The following FOXP2 variants were observed in gnomAD, a reference collection of about 807,000 sequenced individuals.
The protein encoded by FOXP2 is forkhead box protein P2.
In FOXP2, 12 loss-of-function variants were observed where a neutral mutation model predicts 115.8. That is an observed-to-expected ratio of 0.10 (90% confidence interval 0.07 to 0.17). The LOEUF is 0.17. Ranked by LOEUF, FOXP2 falls within the 10% of genes least tolerant of loss-of-function variation. FOXP2 has a pLI of 1.00. For synonymous variants in FOXP2, 328 were observed against 297.7 expected, an observed-to-expected ratio of 1.10 and a Z score of -1.05; for missense variants, 629 against 843.5, an observed-to-expected ratio of 0.75 and a Z score of 3.15.
chr7:114,456,703 A>G (rs748609673), intron 2 of FOXP2, among the ~76,000 whole-genome samples: 40 of 152,226 alleles, frequency 2.6e-4, no homozygotes, highest in Non-Finnish European at 4.3e-4. Flanking sequence ...TTTAAAAAGC[A>G]TAAATTATAT....
upstream of FOXP2, among the ~76,000 whole-genome samples, chr7:114,161,564 T>A (rs888717287): frequency 6.6e-5 from 10 of 151,566 alleles, no homozygotes; most frequent in African/African-American, 2.4e-4. Flanking sequence ...ATACCACCAG[T>A]ATATTGTGTT....
upstream of FOXP2, among the ~76,000 whole-genome samples, chr7:114,413,002 G>T (rs964664547): frequency 6.6e-6 from 1 of 152,004 alleles, no homozygotes; most frequent in Admixed American, 6.6e-5. Context: ...TTTAACTTTT[G>T]TTGGTAAAAA....
intron 2 of FOXP2, among the ~76,000 whole-genome samples, chr7:114,338,519 G>T (rs2129183974): frequency 6.6e-6 from 1 of 150,812 alleles, no homozygotes; most frequent in South Asian, 2.1e-4. Flanking sequence ...AAATATTTTT[G>T]ACTTAAAAAT....
chr7:114,179,197 A>T (rs75736903), intron 1 of FOXP2, among the ~76,000 whole-genome samples: 178 of 152,076 alleles, frequency 1.2e-3, no homozygotes, highest in African/African-American at 4.2e-3. Flanking sequence ...GATTAAAGTG[A>T]CCTGAGATTG....
chr7:114,146,225 T>A (rs1792364479), intron 1 of FOXP2, among the ~76,000 whole-genome samples: 1 of 152,214 alleles, frequency 6.6e-6, no homozygotes, highest in South Asian at 2.1e-4. Flanking sequence ...GTGTGAAAAG[T>A]TAGACCTTGG....
chr7:114,335,240 T>A (rs1486316312), intron 2 of FOXP2, among the ~76,000 whole-genome samples: 1 of 151,558 alleles, frequency 6.6e-6, no homozygotes, highest in Non-Finnish European at 1.5e-5. Flanking sequence ...AAACTGGTAT[T>A]AAGAATGGGG....
At chr7:114,343,410 G>T (rs1474684927) in intron 2 of FOXP2, among the ~76,000 whole-genome samples, 1 of 151,592 alleles carries the variant, frequency 6.6e-6, no homozygotes, top group Non-Finnish European at 1.5e-5. Flanking sequence ...ACTACAAAAA[G>T]GGAGGGATAA....
At chr7:114,176,298 T>TTCTTTCTTTCTTTCTTTCTTTCTTTC (rs368923204) in intron 1 of FOXP2, among the ~76,000 whole-genome samples, 58 of 76,564 alleles carry the variant, frequency 7.6e-4, no homozygotes, top group African/African-American at 1.8e-3. Context: ...CTTTCTTTCT[T>TTCTTTCTTTCTTTCTTTCTTTCTTTC]TCTCTCTCTC....
At chr7:114,532,728 G>A (rs1562981061) in intron 2 of FOXP2, among the ~76,000 whole-genome samples, 1 of 150,868 alleles carries the variant, frequency 6.6e-6, no homozygotes, top group African/African-American at 2.4e-5. Context: ...ATAAATTAAG[G>A]CAACAGGTAT....
chr7:114,565,540 C>T (rs775847451), intron 3 of FOXP2, among the ~76,000 whole-genome samples: 7 of 152,124 alleles, frequency 4.6e-5, no homozygotes, highest in Non-Finnish European at 8.8e-5. Context: ...GCCTGGAATA[C>T]ACAATCATAA....
At chr7:114,501,053 TC>T (rs1485235492) in intron 2 of FOXP2, among the ~76,000 whole-genome samples, 1 of 152,144 alleles carries the variant, frequency 6.6e-6, no homozygotes, top group Non-Finnish European at 1.5e-5. Context: ...TTGAGCTACT[TC>T]AGCATGAAAT....
At chr7:114,334,933 A>ATC (rs1053238028) in intron 2 of FOXP2, among the ~76,000 whole-genome samples, 10 of 65,808 alleles carry the variant, frequency 1.5e-4, no homozygotes, top group Admixed American at 1.0e-3. Context: ...ATAGAAATCT[A>ATC]TATATATATA....
intron 2 of FOXP2, among the ~76,000 whole-genome samples, chr7:114,490,650 C>A (rs1324638395): frequency 6.6e-6 from 1 of 152,074 alleles, no homozygotes; most frequent in Admixed American, 6.6e-5. Context: ...TGCTATCCCT[C>A]CCCCATACCC....
chr7:114,210,288 G>T (rs1434144993), intron 1 of FOXP2, among the ~76,000 whole-genome samples: 2 of 152,130 alleles, frequency 1.3e-5, no homozygotes, highest in Non-Finnish European at 2.9e-5. Context: ...TGATGTTTGA[G>T]GTTGCTGACT....
At chr7:114,255,233 G>T (rs921857481) in intron 1 of FOXP2, among the ~76,000 whole-genome samples, 12 of 152,208 alleles carry the variant, frequency 7.9e-5, no homozygotes, top group African/African-American at 2.9e-4. Context: ...GGCTAGTCGG[G>T]GGTCAGGGAC....
At chr7:114,370,976 GT>G (rs1349444763) in intron 2 of FOXP2, among the ~76,000 whole-genome samples, 1 of 152,030 alleles carries the variant, frequency 6.6e-6, no homozygotes, top group Non-Finnish European at 1.5e-5. Context: ...AAAGTGCATT[GT>G]TTTGCTTATC....
intron 6 of FOXP2, 109 bp from the exon 7 acceptor site, chr7:114,642,301 A>C: frequency 1.2e-6 from 1 of 818,216 alleles, no homozygotes; most frequent in Non-Finnish European, 2.0e-6. Context: ...TAATTTATGC[A>C]GGTAACATCA....
At chr7:114,445,789 T>C (rs542912497) in intron 2 of FOXP2, among the ~76,000 whole-genome samples, 2 of 152,270 alleles carry the variant, frequency 1.3e-5, no homozygotes, top group Admixed American at 1.3e-4. Flanking sequence ...TATGTATTGA[T>C]GTATATAGTA....
intron 2 of FOXP2, among the ~76,000 whole-genome samples, chr7:114,434,040 C>T (rs974342904): frequency 6.6e-6 from 1 of 151,878 alleles, no homozygotes. Flanking sequence ...TCATAAGAGA[C>T]CACAAATATA....
Sources: allele counts gnomAD v4.1 joint callset (sites outside exome capture counted in the v4.1 genomes callset), GRCh38; gene constraint gnomAD v4.1.1; transcripts MANE v1.5; gene names NCBI Gene and HGNC (gene_info 2026-07-23, HGNC 2026-07-21).